IDI2: variants seen among roughly 807,000 people sequenced by gnomAD.
The protein encoded by IDI2 is isopentenyl-diphosphate delta isomerase 2, also known as isopentenyl-diphosphate delta-isomerase 2.
A neutral mutation model predicts 14.8 loss-of-function variants in IDI2; 18 were observed. The ratio of observed to expected loss-of-function variants is 1.22; its 90% CI spans 0.84 to 1.80. The LOEUF (loss-of-function observed/expected upper bound fraction) is 1.80, where lower values mean the gene tolerates loss of function less well. Among genes scored for constraint, IDI2 ranks in the 40% most tolerant of loss-of-function variants. IDI2 has a pLI of 0.00. For missense variants in IDI2, 316 were observed against 283.2 expected (o/e 1.12, Z -0.83); for synonymous variants, 133 against 109.6 (o/e 1.21, Z -1.33).
intron 3 of IDI2, among the ~76,000 whole-genome samples, chr10:1,021,162 T>C (rs1832091648): frequency 6.6e-6 from 1 of 152,156 alleles, no homozygotes; most frequent in South Asian, 2.1e-4. Flanking sequence ...TGCACACACA[T>C]GTCCCGTGGC....
rs1564475263 is a variant in IDI2 at position 1,022,764 on chromosome 10, GGTGCAGCAGCC to G, written c.143_153del (p.Gly48AlafsTer9). On this transcript the variant is annotated frameshift_variant and splice_region_variant, in exon 3 of 5. Transcript: ENST00000277517. LOFTEE classifies it high-confidence loss of function. ...TTAAACAAGACAACGCTGAAGGCTC[GGTGCAGCAGCC>G]CTGCAAAGGTAAGTGCCATTTGTGT... 1 of 1,613,716 alleles carries G rather than the reference GGTGCAGCAGCC, an allele frequency of 6.2e-7. No individual in the cohort carries two copies. The highest frequency in any genetic ancestry group is 2.2e-5 in the East Asian group (1 of 44,878).
rs3214941 is a variant in IDI2 at position 1,019,264 on chromosome 10, T to TA, written c.*252dup. The TA allele has an allele frequency of 0.52, 218,023 of 421,510 alleles. 57,983 individuals are homozygous for TA. Among genetic ancestry groups the TA allele is most frequent in the East Asian group, 0.61 (13,485 of 21,974 alleles). 26.1% of individuals were successfully genotyped at this position (421,510 alleles called of 1,614,324 possible). ...CTGCTGTTAATCAAACAAGTGCTTA[T>TA]AAAATGGAAATTGGGACAAAGGAAA... On this transcript the variant is annotated 3_prime_UTR_variant, in exon 5 of 5. Transcript: ENST00000277517.
chr10:1,021,126 C>T (rs987421104), intron 3 of IDI2, among the ~76,000 whole-genome samples: 4 of 152,180 alleles, frequency 2.6e-5, no homozygotes, highest in Admixed American at 1.3e-4. Context: ...TGGCCCTGAC[C>T]GCTCCTGCGG....
rs150982335 is a variant in IDI2 at position 1,024,590 on chromosome 10, A to C, written c.134T>G (p.Ile45Ser). The change falls in exon 2 of 5, where the codon ATT becomes AGT. Residue 45 changes from isoleucine (I) to serine (S), a missense_variant. Physicochemically the swap from Ile to Ser is moderately radical, Grantham distance 142 (BLOSUM62 -2). Transcript: ENST00000277517. ...AAATGGGCGGGGGCTACCTTTCTCA[A>C]TGTTTTCGTTCAGATGGCAATTCCT... ...TKRNCHLNEN[I>S]EKGLLHRAFS... The C allele has an allele frequency of 6.2e-7, 1 of 1,613,912 alleles. No individual in the cohort carries two copies. The highest frequency in any genetic ancestry group is 8.5e-7 in the Non-Finnish European group (1 of 1,180,000).
chr10:1,019,256 A>G lies in IDI2; in HGVS notation c.*261T>C. 1 of 373,118 alleles carries G rather than the reference A, an allele frequency of 2.7e-6. No individual in the cohort carries two copies. The highest frequency in any genetic ancestry group is 4.8e-6 in the Non-Finnish European group (1 of 206,938). The allele number at this position is 373,118 out of a possible 1,614,324, so 23.1% of individuals were successfully genotyped here. A position where few individuals can be genotyped will look rare whatever the true frequency, so the allele number is the denominator to read the frequency against. On this transcript the variant is annotated 3_prime_UTR_variant, in exon 5 of 5. Transcript: ENST00000277517. ...AGGATCAGCTGCTGTTAATCAAACAAGTGCTTATAAAATGGAAATTGGGAC... is the reference window on the plus strand; with the variant it reads ...AGGATCAGCTGCTGTTAATCAAACAGGTGCTTATAAAATGGAAATTGGGAC...
chr10:1,022,186 G>A lies in IDI2; in HGVS notation c.235+497C>T, dbSNP rs1011697504. Among the ~76,000 whole-genome samples the A allele has an allele frequency of 5.9e-5, 9 of 151,928 alleles. No homozygotes were observed. In the East Asian group the frequency reaches 1.7e-3, roughly 29 times the overall value. ...AGGCAGGACAATGGCGTGAACCCAG[G>A]AGGCGGGGCTTGCAGTGAGCCGAGA... On this transcript the variant is annotated intron_variant, in intron 3 of 4. Transcript: ENST00000277517.
chr10:1,021,097 C>T (rs759351222), intron 3 of IDI2, among the ~76,000 whole-genome samples, 200 bp from the exon 4 acceptor site: 1 of 152,232 alleles, frequency 6.6e-6, no homozygotes, highest in Admixed American at 6.5e-5. Context: ...GGGTCTTCCA[C>T]ATGACCACCT....
intron 4 of IDI2, among the ~76,000 whole-genome samples, chr10:1,020,342 C>T (rs1832070556): frequency 6.6e-6 from 1 of 152,134 alleles, no homozygotes; most frequent in South Asian, 2.1e-4. Flanking sequence ...AGGCGTGTGC[C>T]ACTACGCCCA....
intron 3 of IDI2, 107 bp downstream of exon 3, chr10:1,022,576 C>T: frequency 1.2e-6 from 1 of 834,818 alleles, no homozygotes; most frequent in South Asian, 1.4e-5. Flanking sequence ...GAGCTGCCAG[C>T]TCACCACAGT....
rs1832182472 is a variant in IDI2 at position 1,024,753 on chromosome 10, G to A, written c.-21-9C>T. ...GCTGGCTGTGACCCGACCTGAAATA[G>A]ATGCACACAAATGCCTCTTTATGTG... On this transcript the variant is annotated splice_polypyrimidine_tract_variant and intron_variant, in intron 1 of 4. Transcript: ENST00000277517. The A allele has an allele frequency of 6.2e-7, 1 of 1,613,158 alleles. No homozygotes were observed. Among genetic ancestry groups the A allele is most frequent in the African/African-American group, 1.3e-5 (1 of 74,856 alleles).
Position 1,019,332 on chromosome 10 carries a change from A to T in IDI2, c.*185T>A. ...GCAACCAGGCAGATGAGAAATATGG[A>T]AATAAGGAAAAGGGAAAATGAAGAT... On this transcript the variant is annotated 3_prime_UTR_variant, in exon 5 of 5. Coordinates refer to ENST00000277517, the MANE Select transcript of IDI2 (RefSeq NM_033261.3). 3.6e-6 allele frequency: 2 copies of T among 557,156 alleles called. No individual in the cohort carries two copies. The highest frequency in any genetic ancestry group is 6.3e-6 in the Non-Finnish European group (2 of 317,198). 34.5% of individuals were successfully genotyped at this position (557,156 alleles called of 1,614,324 possible).
rs980939876 is a variant in IDI2 at position 1,019,398 on chromosome 10, A to G, written c.*119T>C. 1 of 672,322 alleles carries G rather than the reference A, an allele frequency of 1.5e-6. No homozygotes were observed. Among genetic ancestry groups the G allele is most frequent in the Admixed American group, 3.0e-5 (1 of 33,690 alleles). The allele number at this position is 672,322 out of a possible 1,614,324, so 41.6% of individuals were successfully genotyped here. A position where few individuals can be genotyped will look rare whatever the true frequency, so the allele number is the denominator to read the frequency against. On this transcript the variant is annotated 3_prime_UTR_variant, in exon 5 of 5. Coordinates refer to ENST00000277517, the MANE Select transcript of IDI2 (RefSeq NM_033261.3). ...AAAAGGTTGAAATAGTGATTTATAC[A>G]TGATGGGCAATCAAGTGCCCCTTTT... is the stretch of plus-strand genomic sequence containing the variant.
Position 1,024,697 on chromosome 10 carries a change from A to G in IDI2, c.27T>C (p.Val9=). 1 of 1,614,230 alleles carries G rather than the reference A, an allele frequency of 6.2e-7. No individual in the cohort carries two copies. Among genetic ancestry groups the G allele is most frequent in the Non-Finnish European group, 8.5e-7 (1 of 1,180,044 alleles). Residue 9 remains valine, a synonymous_variant, in exon 2 of 5, where the codon GTT becomes GTC. Transcript: ENST00000277517. The part of the protein sequence containing the change: MSDINLDW[V]DRRQLQRLEE... Reference sequence around the variant, plus strand: ...CCAAGCGCTGCAACTGACGCCTGTCAACCCAGTCAAGATTTATGTCAGACA... The same window carrying G: ...CCAAGCGCTGCAACTGACGCCTGTCGACCCAGTCAAGATTTATGTCAGACA...
At chr10:1,024,538 G>A in intron 2 of IDI2, 44 bp downstream of exon 2, 2 of 1,603,440 alleles carry the variant, frequency 1.2e-6, no homozygotes, top group South Asian at 1.1e-5. Flanking sequence ...TGGGAAAAAT[G>A]GGAAAACCCT....
chr10:1,021,984 G>A (rs1443881935), intron 3 of IDI2, among the ~76,000 whole-genome samples: 1 of 152,150 alleles, frequency 6.6e-6, no homozygotes, highest in Non-Finnish European at 1.5e-5. Context: ...TTTTGGCCGG[G>A]CCCGGTGGCT....
Position 1,019,392 on chromosome 10 carries a change from T to G in IDI2, c.*125A>C. The G allele has an allele frequency of 1.5e-6, 1 of 650,974 alleles. No individual in the cohort carries two copies. Among genetic ancestry groups the G allele is most frequent in the Non-Finnish European group, 2.6e-6 (1 of 383,434 alleles). The allele number at this position is 650,974 out of a possible 1,614,324, so 40.3% of individuals were successfully genotyped here. ...TTGATGAAAAGGTTGAAATAGTGAT[T>G]TATACATGATGGGCAATCAAGTGCC... On this transcript the variant is annotated 3_prime_UTR_variant, in exon 5 of 5. Coordinates refer to ENST00000277517, the MANE Select transcript of IDI2 (RefSeq NM_033261.3).
intron 3 of IDI2, among the ~76,000 whole-genome samples, chr10:1,021,925 A>C (rs1248303219): frequency 6.6e-6 from 1 of 152,150 alleles, no homozygotes; most frequent in African/African-American, 2.4e-5. Context: ...AGGCCAAAAC[A>C]CTTTAAATGA....
At chr10:1,019,942 T>C (rs1832062397) in intron 4 of IDI2, 108 bp from the exon 5 acceptor site, 4 of 877,634 alleles carry the variant, frequency 4.6e-6, no homozygotes, top group Non-Finnish European at 7.1e-6. Flanking sequence ...ATGAACACTT[T>C]CTTTGGTAAT....
At position 1,019,751 on chromosome 10, in the gene IDI2, A is replaced by C. The variant is rs41294970; in HGVS notation, c.450T>G (p.Cys150Trp). Residue 150 changes from cysteine to tryptophan, a missense_variant, in exon 5 of 5, where the codon TGT becomes TGG. Cys to Trp is a radical substitution (Grantham distance 215). Coordinates refer to ENST00000277517, the MANE Select transcript of IDI2 (RefSeq NM_033261.3). ...SDRIWGEHEICYLLLVRKNVT... is the reference protein window; with the variant it reads ...SDRIWGEHEIWYLLLVRKNVT... The stretch of plus-strand genomic sequence containing the variant: ...CGTTTTTCCTCACAAGCAGAAGGTA[A>C]CAAATTTCATGCTCTCCCCAAATTC... The C allele has an allele frequency of 1.2e-6, 2 of 1,614,042 alleles. No homozygotes were observed. The highest frequency in any genetic ancestry group is 1.7e-6 in the Non-Finnish European group (2 of 1,180,008).
Sources: gnomAD v4.1 joint callset for allele counts (sites outside exome capture counted in the v4.1 genomes callset) on GRCh38, gnomAD v4.1.1 for gene constraint, MANE v1.5 for transcripts, NCBI Gene and HGNC (gene_info 2026-07-23, HGNC 2026-07-21) for gene names.